Variants in RELN observed in about 807,000 individuals in gnomAD.
RELN encodes the protein reelin.
Under a neutral mutation model 427.6 loss-of-function variants are expected in RELN, and 108 were observed. The ratio of observed to expected loss-of-function variants is 0.25; its 90% CI spans 0.22 to 0.30. RELN has a LOEUF of 0.30. Ranked by LOEUF, RELN falls within the 10% of genes least tolerant of loss-of-function variation. RELN has a pLI of 1.00. For synonymous variants in RELN, 1,524 were observed against 1,513.4 expected, an observed-to-expected ratio of 1.01 and a Z score of -0.16; for missense variants, 3,715 against 4,302.8, an observed-to-expected ratio of 0.86 and a Z score of 3.82.
intron 11 of RELN, among the ~76,000 whole-genome samples, chr7:103,674,073 T>G (rs1833455152): frequency 6.6e-6 from 1 of 152,196 alleles, no homozygotes; most frequent in South Asian, 2.1e-4. Context: ...GAAGTGCAAC[T>G]TTCTCTCCAT....
chr7:103,925,658 T>C (rs1795715305), intron 1 of RELN, among the ~76,000 whole-genome samples: 1 of 152,208 alleles, frequency 6.6e-6, no homozygotes, highest in South Asian at 2.1e-4. Context: ...AAAGACTATC[T>C]TGTCTAAAAC....
intron 3 of RELN, among the ~76,000 whole-genome samples, chr7:103,814,652 C>A (rs1432056495): frequency 6.6e-6 from 1 of 152,018 alleles, no homozygotes; most frequent in South Asian, 2.1e-4. Flanking sequence ...TGGAGCTCAG[C>A]CTGCAATGCC....
intron 1 of RELN, among the ~76,000 whole-genome samples, chr7:103,941,611 A>C (rs1317374961): frequency 1.3e-5 from 2 of 152,218 alleles, no homozygotes; most frequent in Non-Finnish European, 2.9e-5. Context: ...ATTTTGAAAA[A>C]AATTTTAAAT....
chr7:103,803,219 C>T (rs977309638), intron 3 of RELN, among the ~76,000 whole-genome samples: 8 of 152,048 alleles, frequency 5.3e-5, no homozygotes, highest in Non-Finnish European at 5.9e-5. Context: ...AATGCATTTA[C>T]GATTGCTGCG....
intron 2 of RELN, among the ~76,000 whole-genome samples, chr7:103,854,411 C>T (rs1352778491): frequency 6.6e-6 from 1 of 152,132 alleles, no homozygotes; most frequent in Non-Finnish European, 1.5e-5. Flanking sequence ...GCTGTCATCT[C>T]TTTGCTGGTA....
chr7:103,692,567 A>T (rs1288943310), intron 10 of RELN, among the ~76,000 whole-genome samples: 1 of 152,050 alleles, frequency 6.6e-6, no homozygotes, highest in Non-Finnish European at 1.5e-5. Flanking sequence ...CCTACATTGG[A>T]GGTGAGCAGC....
rs148886635 is a variant in RELN, at chr7:103,788,676, G to C, written c.474-12049C>G. Among the ~76,000 whole-genome samples the C allele has an allele frequency of 5.7e-4, 86 of 152,204 alleles. 1 individual carries two copies. In the East Asian group the frequency reaches 0.016, roughly 29 times the overall value. ...AGGAGAACTACAAACCACTGCTCAA[G>C]GAAATAAGAGAGGACACAAACAAAT... On this transcript the variant is annotated intron_variant, in intron 3 of 64. Coordinates refer to ENST00000428762, the MANE Select transcript of RELN (RefSeq NM_005045.4).
At chr7:103,680,815 C>A (rs975421178) in intron 11 of RELN, among the ~76,000 whole-genome samples, 1 of 151,990 alleles carries the variant, frequency 6.6e-6, no homozygotes. Flanking sequence ...TTCAGGGTGT[C>A]AGGAATGTCA....
intron 4 of RELN, among the ~76,000 whole-genome samples, chr7:103,759,117 G>C (rs1401464050): frequency 6.6e-6 from 1 of 152,016 alleles, no homozygotes; most frequent in Non-Finnish European, 1.5e-5. Context: ...AAAATAGATT[G>C]CTTATAGAAC....
intron 19 of RELN, among the ~76,000 whole-genome samples, chr7:103,630,429 G>A (rs996430908): frequency 2.0e-5 from 3 of 152,124 alleles, no homozygotes; most frequent in Non-Finnish European, 4.4e-5. Flanking sequence ...CAAAGTGACA[G>A]TATTCATCAT....
At position 103,626,992 on chromosome 7, in the gene RELN, C is replaced by T. The variant is rs182564018; in HGVS notation, c.2702+2948G>A. On this transcript the variant is annotated intron_variant, in intron 20 of 64. Coordinates refer to ENST00000428762, the MANE Select transcript of RELN (RefSeq NM_005045.4). This position sits in a 1 kb window ranked among gnomAD's most constrained non-coding sequence, Gnocchi z 4.4. ...ATACTGGAAAGTGATTTGTAGCATA[C>T]TGACTGTAGTTCTTCTAATGAAAAA... is the stretch of plus-strand genomic sequence containing the variant. Among the ~76,000 whole-genome samples the T allele has an allele frequency of 6.6e-6, 1 of 152,178 alleles. No individual in the cohort carries two copies. The highest frequency in any genetic ancestry group is 1.9e-4 in the East Asian group (1 of 5,182).
chr7:103,785,498 C>T (rs966423832), intron 3 of RELN, among the ~76,000 whole-genome samples: 3 of 152,078 alleles, frequency 2.0e-5, no homozygotes, highest in African/African-American at 4.8e-5. Context: ...ATAGAAGAAG[C>T]GGAGTTTTGC....
chr7:103,856,765 C>T (rs1028757008), intron 2 of RELN, among the ~76,000 whole-genome samples: 1 of 151,916 alleles, frequency 6.6e-6, no homozygotes, highest in Non-Finnish European at 1.5e-5. Context: ...TTAACTGGAA[C>T]TTTGTATTTG....
intron 2 of RELN, among the ~76,000 whole-genome samples, chr7:103,857,987 C>G (rs1183552600): frequency 6.6e-6 from 1 of 151,472 alleles, no homozygotes; most frequent in Admixed American, 6.6e-5. Context: ...TTTTATAAAA[C>G]TACCCTCTTC....
In RELN at chr7:103,472,913, TAAAATC is replaced by T. The variant is rs1271088923; in HGVS notation, c.10287-11_10287-6del. On this transcript the variant is annotated splice_polypyrimidine_tract_variant and splice_region_variant and intron_variant, in intron 64 of 64. Coordinates refer to ENST00000428762, the MANE Select transcript of RELN (RefSeq NM_005045.4). The stretch of plus-strand genomic sequence containing the variant: ...ATGTAATTTTGTTTGCGAGTGCTGT[TAAAATC>T]AAACAGGATAGAGGCAGGGAAGGAA... The T allele has an allele frequency of 2.5e-6, 4 of 1,610,930 alleles. No homozygotes were observed. Among genetic ancestry groups the T allele is most frequent in the East Asian group, 4.5e-5 (2 of 44,858 alleles).
intron 4 of RELN, among the ~76,000 whole-genome samples, chr7:103,755,744 A>G (rs1791129360): frequency 8.3e-4 from 1 of 1,204 alleles, no homozygotes; most frequent in Non-Finnish European, 2.8e-3. Context: ...TGAACTTGGG[A>G]AGCGGACTTG....
intron 6 of RELN, among the ~76,000 whole-genome samples, chr7:103,742,685 A>T (rs561055351): frequency 6.6e-6 from 1 of 152,348 alleles, no homozygotes; most frequent in Admixed American, 6.5e-5. Flanking sequence ...GATGAAATGA[A>T]TGAAATGAAG....
At position 103,682,120 on chromosome 7, in the gene RELN, T is replaced by C. The variant is rs1406849285; in HGVS notation, c.1285A>G (p.Thr429Ala). 1.2e-6 allele frequency: 2 copies of C among 1,613,934 alleles called. No homozygotes were observed. The highest frequency in any genetic ancestry group is 8.5e-7 in the Non-Finnish European group (1 of 1,179,834). ...QWSEEFESQP[T>A]GWDVLGAVIG... Reference sequence around the variant, plus strand: ...TGGGAGATAGCAATTACTTACCCTGTAGGCTGGCTCTCAAATTCTTCTGAC... The same window carrying C: ...TGGGAGATAGCAATTACTTACCCTGCAGGCTGGCTCTCAAATTCTTCTGAC... The change falls in exon 11 of 65, where the codon ACA becomes GCA. Residue 429 changes from threonine (T) to alanine (A), a missense_variant. Physicochemically the swap from Thr to Ala is moderately conservative, Grantham distance 58 (BLOSUM62 0). Coordinates refer to ENST00000428762, the MANE Select transcript of RELN (RefSeq NM_005045.4).
chr7:103,474,218 CAT>C (rs1586456782), intron 64 of RELN, among the ~76,000 whole-genome samples: 1 of 151,984 alleles, frequency 6.6e-6, no homozygotes, highest in South Asian at 2.1e-4. Flanking sequence ...AAGGAAAAGA[CAT>C]AAATTGAATT....
Sources: gnomAD v4.1 joint callset for allele counts (sites outside exome capture counted in the v4.1 genomes callset) on GRCh38, gnomAD v4.1.1 for gene constraint, Gnocchi (gnomAD v3.1) non-coding constraint, MANE v1.5 for transcripts, NCBI Gene and HGNC (gene_info 2026-07-23, HGNC 2026-07-21) for gene names.